The following GRIK2 variants were observed in gnomAD, a reference collection of about 807,000 sequenced individuals.
GRIK2 encodes glutamate ionotropic receptor kainate type subunit 2.
A neutral mutation model predicts 100.3 loss-of-function variants in GRIK2; 32 were observed. That is an observed-to-expected ratio of 0.32 (90% confidence interval 0.24 to 0.43). The LOEUF is 0.43. Ranked by LOEUF, GRIK2 falls within the 20% of genes least tolerant of loss-of-function variation. The pLI, the probability that GRIK2 is intolerant of heterozygous loss-of-function variation, is 1.00. For synonymous variants in GRIK2, 417 were observed against 389.4 expected (o/e 1.07, Z -0.83); for missense variants, 843 against 1,114.9 (o/e 0.76, Z 3.47).
At chr6:101,655,330 T>G (rs1322459375) in intron 4 of GRIK2, among the ~76,000 whole-genome samples, 1 of 152,178 alleles carries the variant, frequency 6.6e-6, no homozygotes, top group East Asian at 1.9e-4. Flanking sequence ...GGCTAAATTC[T>G]TCTTAAGGCA....
Position 101,622,046 on chromosome 6 carries a change from ACCCAATACTAC to A in GRIK2, c.216_226del (p.Asn73TyrfsTer3). The A allele has an allele frequency of 6.2e-7, 1 of 1,600,972 alleles. No homozygotes were observed. The highest frequency in any genetic ancestry group is 8.6e-7 in the Non-Finnish European group (1 of 1,168,248). On this transcript the variant is annotated frameshift_variant, in exon 3 of 17. Coordinates refer to ENST00000369134, the MANE Select transcript of GRIK2 (RefSeq NM_021956.5). LOFTEE classifies it high-confidence loss of function. ...CAATTAACAGAAACAGAACATTGCT[ACCCAATACTAC>A]CCTTACCTATGATACCCAGAAGATA...
intron 14 of GRIK2, among the ~76,000 whole-genome samples, chr6:101,958,045 T>A (rs1792051212): frequency 6.6e-6 from 1 of 152,098 alleles, no homozygotes; most frequent in Admixed American, 6.6e-5. Context: ...TGATTGTTTT[T>A]TCTAATTCTG....
At chr6:102,015,579 C>T (rs138125134) in intron 14 of GRIK2, among the ~76,000 whole-genome samples, 54 of 152,266 alleles carry the variant, frequency 3.5e-4, no homozygotes, top group African/African-American at 1.2e-3. Context: ...ACTGTTGCTG[C>T]GGCCAACACC....
chr6:101,545,660 A>G (rs112415209), intron 2 of GRIK2, among the ~76,000 whole-genome samples: 108 of 152,300 alleles, frequency 7.1e-4, no homozygotes, highest in Admixed American at 1.4e-3. Flanking sequence ...GTGCAAACAT[A>G]TATACTATTA....
At chr6:101,555,642 A>G (rs1221598336) in intron 2 of GRIK2, among the ~76,000 whole-genome samples, 2 of 152,220 alleles carry the variant, frequency 1.3e-5, no homozygotes, top group African/African-American at 4.8e-5. Context: ...ATATTTACTT[A>G]ATTCAGAATT....
At chr6:101,722,138 A>G (rs1183405428) in intron 7 of GRIK2, among the ~76,000 whole-genome samples, 1 of 151,966 alleles carries the variant, frequency 6.6e-6, no homozygotes, top group African/African-American at 2.4e-5. Context: ...CATCCTGAAC[A>G]TTTCTGAAAG....
At chr6:101,677,084 T>A (rs1018404779) in intron 5 of GRIK2, among the ~76,000 whole-genome samples, 1 of 152,130 alleles carries the variant, frequency 6.6e-6, no homozygotes, top group African/African-American at 2.4e-5. Context: ...GAGATAGTTA[T>A]TTCTTTTTGT....
intron 7 of GRIK2, among the ~76,000 whole-genome samples, chr6:101,795,306 A>G (rs982061280): frequency 1.3e-5 from 2 of 152,182 alleles, no homozygotes; most frequent in African/African-American, 4.8e-5. Flanking sequence ...TTTTTACAGC[A>G]TCAGTGGTGT....
chr6:101,879,545 G>A (rs1786099387), intron 11 of GRIK2, among the ~76,000 whole-genome samples: 1 of 151,882 alleles, frequency 6.6e-6, no homozygotes, highest in Admixed American at 6.6e-5. Context: ...TTGGGTTCTT[G>A]AACCTCTCAG....
At chr6:102,068,187 G>C (rs1486412429) in intron 16 of GRIK2, among the ~76,000 whole-genome samples, 160 bp from the exon 17 acceptor site, 2 of 151,846 alleles carry the variant, frequency 1.3e-5, no homozygotes. Flanking sequence ...CATGGGTTGA[G>C]TGTTTAAAGT....
intron 2 of GRIK2, among the ~76,000 whole-genome samples, chr6:101,423,518 G>A (rs766698898): frequency 2.3e-4 from 35 of 152,164 alleles, no homozygotes; most frequent in Middle Eastern, 3.4e-3. Context: ...ATCATTCATT[G>A]TAGTCTGATT....
At chr6:101,895,766 AT>A (rs1293934066) in intron 12 of GRIK2, among the ~76,000 whole-genome samples, 1 of 151,706 alleles carries the variant, frequency 6.6e-6, no homozygotes, top group African/African-American at 2.4e-5. Context: ...GATATATTTT[AT>A]TTTTAATGTC....
intron 14 of GRIK2, among the ~76,000 whole-genome samples, chr6:102,013,303 AG>A (rs1297758944): frequency 2.0e-5 from 3 of 152,092 alleles, no homozygotes; most frequent in Admixed American, 2.0e-4. Flanking sequence ...AACCTTGCTG[AG>A]GTTGTTTACC....
chr6:101,604,053 CTT>C (rs1203286723), intron 2 of GRIK2, among the ~76,000 whole-genome samples: 1 of 151,312 alleles, frequency 6.6e-6, no homozygotes, highest in Non-Finnish European at 1.5e-5. Context: ...AAAGTTTTGT[CTT>C]TATAACTTTT....
chr6:101,498,269 G>A (rs1042348563), intron 2 of GRIK2, among the ~76,000 whole-genome samples: 7 of 151,526 alleles, frequency 4.6e-5, no homozygotes, highest in African/African-American at 1.7e-4. Context: ...GTCTATCATT[G>A]TTGGACATTT....
chr6:101,394,089 A>T (rs1041464243), intron 1 of GRIK2, among the ~76,000 whole-genome samples: 3 of 152,138 alleles, frequency 2.0e-5, no homozygotes, highest in Non-Finnish European at 4.4e-5. Context: ...GCAGTCGCCT[A>T]TGTTCTCCAC....
chr6:101,622,178 A>G, intron 3 of GRIK2, 62 bp downstream of exon 3: 1 of 1,004,392 alleles, frequency 1.0e-6, no homozygotes, highest in Non-Finnish European at 1.5e-6. Flanking sequence ...TATTCTTAAG[A>G]GATTTTTTTA....
intron 14 of GRIK2, among the ~76,000 whole-genome samples, chr6:101,956,304 G>A (rs1035369969): frequency 7.2e-5 from 11 of 152,058 alleles, no homozygotes. Flanking sequence ...AAAGCCACAT[G>A]AGATATTAAT....
At chr6:101,933,960 G>A (rs1473143495) in intron 14 of GRIK2, among the ~76,000 whole-genome samples, 1 of 151,658 alleles carries the variant, frequency 6.6e-6, no homozygotes, top group Non-Finnish European at 1.5e-5. Context: ...ATTTTTCTTG[G>A]GAGATTTTTC....
Sources: allele counts gnomAD v4.1 joint callset (sites outside exome capture counted in the v4.1 genomes callset), GRCh38; gene constraint gnomAD v4.1.1; transcripts MANE v1.5; gene names NCBI Gene and HGNC (gene_info 2026-07-23, HGNC 2026-07-21).